Variants in CFAP251 observed in about 807,000 individuals in gnomAD.
CFAP251 encodes cilia and flagella associated protein 251, also known as cilia- and flagella-associated protein 251.
Under a neutral mutation model 126.7 loss-of-function variants are expected in CFAP251, and 93 were observed. The observed-to-expected ratio is 0.73, with a 90% confidence interval of 0.62 to 0.87. The LOEUF is 0.87. Ranked by LOEUF, CFAP251 falls within the 40% of genes least tolerant of loss-of-function variation. CFAP251 has a pLI of 0.00. For synonymous variants in CFAP251, 503 were observed against 506.9 expected (o/e 0.99, Z 0.10); for missense variants, 1,287 against 1,389.2 (o/e 0.93, Z 1.17).
At chr12:121,990,360 C>T (rs1882848992) in intron 19 of CFAP251, among the ~76,000 whole-genome samples, 1 of 152,192 alleles carries the variant, frequency 6.6e-6, no homozygotes, top group South Asian at 2.1e-4. Context: ...ACAGGTTGGC[C>T]TCAGGAGGGT....
chr12:121,960,094 C>T lies in CFAP251; in HGVS notation c.2134-491C>T, dbSNP rs117861458. ...ACTGCAGTGAGCCGTGATCAGGCCA[C>T]TGCACTCTAGCCTGGGCAACAGATC... On this transcript the variant is annotated intron_variant, in intron 13 of 21. Coordinates refer to ENST00000288912, the MANE Select transcript of CFAP251 (RefSeq NM_144668.6). Among the ~76,000 whole-genome samples the T allele has an allele frequency of 1.3e-3, 195 of 152,194 alleles. 5 individuals are homozygous for T. The East Asian group carries it at 0.036, about 28-fold the overall frequency.
chr12:121,947,594 G>A (rs892148362), intron 7 of CFAP251: 6 of 152,124 alleles, frequency 3.9e-5, no homozygotes, highest in African/African-American at 9.7e-5. Context: ...TGGCCTGGAT[G>A]TATCTCTTTA....
intron 3 of CFAP251, among the ~76,000 whole-genome samples, chr12:121,926,576 C>T (rs1351354786): frequency 1.3e-5 from 2 of 152,184 alleles, no homozygotes; most frequent in African/African-American, 4.8e-5. Context: ...AATCCTCCCG[C>T]CTCGGCCTCC....
rs781143639 is a variant in CFAP251, at chr12:121,931,872, C to A, written c.874C>A (p.Gln292Lys). Reference sequence around the variant, plus strand: ...CATCTACAACGTGTTCAGGAACAATCAATACCACCTTCAGGTATGCAGGGA... The same window carrying A: ...CATCTACAACGTGTTCAGGAACAATAAATACCACCTTCAGGTATGCAGGGA... ...AIIYNVFRNN[Q>K]YHLQGHANII... The change falls in exon 4 of 22, where the codon CAA becomes AAA. Residue 292 changes from glutamine (Q) to lysine (K), a missense_variant. Gln to Lys is a moderately conservative substitution (Grantham distance 53). Coordinates refer to ENST00000288912, the MANE Select transcript of CFAP251 (RefSeq NM_144668.6). 1 of 1,572,284 alleles carries A rather than the reference C, an allele frequency of 6.4e-7. No individual in the cohort carries two copies.
In CFAP251 at chr12:121,989,626, G is replaced by A. The variant is rs1378999695; in HGVS notation, c.3007-10090G>A. On this transcript the variant is annotated intron_variant, in intron 19 of 21. Coordinates refer to ENST00000288912, the MANE Select transcript of CFAP251 (RefSeq NM_144668.6). This position sits in a 1 kb window ranked among gnomAD's most constrained non-coding sequence, Gnocchi z 4.2. The stretch of plus-strand genomic sequence containing the variant: ...GGAGATGCAGGGGGTGACCAGGGGA[G>A]GGTATGAGTGAAGATGATGAGTGGG... 2.6e-5 allele frequency among the ~76,000 whole-genome samples: 4 copies of A among 152,200 alleles called. No individual in the cohort carries two copies. The highest frequency in any genetic ancestry group is 5.9e-5 in the Non-Finnish European group (4 of 68,022).
intron 16 of CFAP251, 96 bp from the exon 17 acceptor site, chr12:121,967,910 C>A: frequency 8.7e-7 from 1 of 1,154,628 alleles, no homozygotes; most frequent in Non-Finnish European, 1.2e-6. Context: ...ACAGGTCCTT[C>A]TGGCACACAG....
Position 121,928,640 on chromosome 12 carries a change from A to ATATATATACG in CFAP251, c.748-3098_748-3097insCGTATATATA, listed in dbSNP as rs1555215921. Among the ~76,000 whole-genome samples, 75 of 16,080 alleles carry ATATATATACG rather than the reference A, an allele frequency of 4.7e-3. 1 individual carries two copies. The highest frequency in any genetic ancestry group is 0.053 in the Middle Eastern group (2 of 38). The allele number at this position is 16,080 out of a possible 152,430, so 10.5% of individuals were successfully genotyped here. A position where few individuals can be genotyped will look rare whatever the true frequency, so the allele number is the denominator to read the frequency against. On this transcript the variant is annotated intron_variant, in intron 3 of 21. Coordinates refer to ENST00000288912, the MANE Select transcript of CFAP251 (RefSeq NM_144668.6). ...TATGTATATGTGTATATATATACGT[A>ATATATATACG]TATATATATATATATACGTATATAT...
chr12:121,938,083 C>A (rs1413304815), intron 5 of CFAP251, among the ~76,000 whole-genome samples: 2 of 152,102 alleles, frequency 1.3e-5, no homozygotes, highest in Admixed American at 1.3e-4. Flanking sequence ...TGGCTCACTG[C>A]AGCCTTGGCC....
rs185600975 is a variant in CFAP251, at chr12:121,974,398, G to A, written c.2772-846G>A. On this transcript the variant is annotated intron_variant, in intron 17 of 21. Coordinates refer to ENST00000288912, the MANE Select transcript of CFAP251 (RefSeq NM_144668.6). The surrounding 1 kb of genome is among the most constrained non-coding windows in gnomAD (Gnocchi z 4.6). ...ATTTATTAATTCTTACAACAATGCTGTGAGGCAGAATCGTCTCATTTTATA... is the reference window on the plus strand; with the variant it reads ...ATTTATTAATTCTTACAACAATGCTATGAGGCAGAATCGTCTCATTTTATA... Among the ~76,000 whole-genome samples the A allele has an allele frequency of 3.9e-5, 6 of 152,310 alleles. No homozygotes were observed. Among genetic ancestry groups the A allele is most frequent in the African/African-American group, 1.4e-4 (6 of 41,566 alleles).
intron 1 of CFAP251, among the ~76,000 whole-genome samples, chr12:121,920,897 G>A (rs1293774766): frequency 7.7e-6 from 1 of 129,118 alleles, no homozygotes; most frequent in Non-Finnish European, 1.5e-5. Context: ...TACCCAGGCT[G>A]GAGTGCAATG....
intron 19 of CFAP251, chr12:121,997,411 A>G (rs137880717): frequency 6.7e-4 from 102 of 151,410 alleles, no homozygotes; most frequent in African/African-American, 2.2e-3. Flanking sequence ...CAAAAAAAAA[A>G]AAAAAAAAAA....
rs77898425 is a variant in CFAP251, at chr12:121,995,159, G to A, written c.3007-4557G>A. On this transcript the variant is annotated intron_variant, in intron 19 of 21. Coordinates refer to ENST00000288912, the MANE Select transcript of CFAP251 (RefSeq NM_144668.6). ...GAAGGAATGTGAGTAACTCACTCAA[G>A]GTCATATAGACAGAAAATGGCAGAG... Among the ~76,000 whole-genome samples, 300 of 152,296 alleles carry A rather than the reference G, an allele frequency of 2.0e-3. 5 individuals are homozygous for A. The East Asian group carries it at 0.035, about 18-fold the overall frequency.
In CFAP251 at chr12:122,001,531, C is replaced by T. The variant is rs933450812; in HGVS notation, c.3270C>T (p.Cys1090=). 3 of 1,614,000 alleles carry T rather than the reference C, an allele frequency of 1.9e-6. No individual in the cohort carries two copies. Among genetic ancestry groups the T allele is most frequent in the Admixed American group, 1.7e-5 (1 of 59,988 alleles). The stretch of plus-strand genomic sequence containing the variant: ...TGACGGAGGAGGAGATGTTGGATTG[C>T]TTTGCTTCACTGTTTGGCCTGAATC... ...EHMTEEEMLD[C]FASLFGLNPE... The change falls in exon 21 of 22, where the codon TGC becomes TGT. Residue 1090 remains cysteine, a synonymous_variant. Transcript: ENST00000288912.
At chr12:121,924,301 C>T (rs967521403) in intron 3 of CFAP251, among the ~76,000 whole-genome samples, 3 of 150,544 alleles carry the variant, frequency 2.0e-5, no homozygotes, top group Non-Finnish European at 3.0e-5. Flanking sequence ...GTAGAGATGG[C>T]GTCTCGCCAC....
rs566369184 is a variant in CFAP251 at position 121,995,365 on chromosome 12, C to T, written c.3007-4351C>T. 1.9e-4 allele frequency among the ~76,000 whole-genome samples: 29 copies of T among 152,296 alleles called. No homozygotes were observed. The South Asian group carries it at 5.6e-3, about 29-fold the overall frequency. On this transcript the variant is annotated intron_variant, in intron 19 of 21. Transcript: ENST00000288912. ...ATAAAATTATACATGATTTAACAAG[C>T]AATTGTACATAGTATAAACTCAGTA... is the stretch of plus-strand genomic sequence containing the variant.
intron 13 of CFAP251, 181 bp downstream of exon 13, chr12:121,959,275 A>G: frequency 3.3e-6 from 2 of 599,512 alleles, no homozygotes; most frequent in Admixed American, 6.4e-5. Flanking sequence ...CACTGCTACA[A>G]AAACACTTTT....
chr12:121,993,657 A>C (rs1189471427), intron 19 of CFAP251, among the ~76,000 whole-genome samples: 2 of 121,274 alleles, frequency 1.6e-5, no homozygotes, highest in African/African-American at 3.2e-5. Context: ...TGCCCGGCCG[A>C]GACCCCGTCT....
rs943893793 is a variant in CFAP251, at chr12:121,923,204, G to A, written c.379-418G>A. 4.7e-5 allele frequency among the ~76,000 whole-genome samples: 7 copies of A among 148,816 alleles called. No individual in the cohort carries two copies. The Admixed American group carries it at 4.7e-4, about 10-fold the overall frequency. Reference sequence around the variant, plus strand: ...TTCTGGGGTCTCACTTTGTCACCTAGGCTGGAGTACAGTGACATGATCTTT... The same window carrying A: ...TTCTGGGGTCTCACTTTGTCACCTAAGCTGGAGTACAGTGACATGATCTTT... On this transcript the variant is annotated intron_variant, in intron 2 of 21. Coordinates refer to ENST00000288912, the MANE Select transcript of CFAP251 (RefSeq NM_144668.6).
intron 19 of CFAP251, among the ~76,000 whole-genome samples, chr12:121,990,445 G>T (rs1882850911): frequency 6.6e-6 from 1 of 152,198 alleles, no homozygotes; most frequent in African/African-American, 2.4e-5. Flanking sequence ...TACCCAGAGT[G>T]TGGTCTAGAA....
Sources: allele counts gnomAD v4.1 joint callset (sites outside exome capture counted in the v4.1 genomes callset), GRCh38; gene constraint gnomAD v4.1.1; non-coding constraint Gnocchi (gnomAD v3.1); transcripts MANE v1.5; gene names NCBI Gene and HGNC (gene_info 2026-07-23, HGNC 2026-07-21).